LSM2: variants seen among roughly 807,000 people sequenced by gnomAD.
The protein encoded by LSM2 is U6 snRNA-associated Sm-like protein LSm2.
A neutral mutation model predicts 17.0 loss-of-function variants in LSM2; 12 were observed. The observed-to-expected ratio is 0.70, with a 90% CI of 0.45 to 1.14. The LOEUF is 1.14. LSM2 is among the 50% of genes most tolerant of loss of function. The probability of loss-of-function intolerance (pLI) is 0.00; values close to 1 mark genes in which losing one functional copy is unlikely to be tolerated. For missense variants in LSM2, 62 were observed against 111.8 expected, an observed-to-expected ratio of 0.55 and a Z score of 2.01; for synonymous variants, 42 against 44.5, an observed-to-expected ratio of 0.94 and a Z score of 0.22.
intron 2 of LSM2, among the ~76,000 whole-genome samples, chr6:31,799,092 T>C (rs1292103883): frequency 3.3e-5 from 5 of 152,178 alleles, no homozygotes; most frequent in Non-Finnish European, 7.3e-5. Context: ...TAGACCTGTA[T>C]TCTATATAGT....
intron 2 of LSM2, 65 bp downstream of exon 2, chr6:31,806,010 A>G (rs1185245795): frequency 7.0e-7 from 1 of 1,427,010 alleles, no homozygotes; most frequent in African/African-American, 1.4e-5. Flanking sequence ...TATTTCTCAA[A>G]TTAAAGAGGT....
chr6:31,797,943 C>T, intron 4 of LSM2, 47 bp downstream of exon 4: 1 of 1,611,952 alleles, frequency 6.2e-7, no homozygotes. Flanking sequence ...CACCCAGGGG[C>T]CTCCTGCTTT....
At chr6:31,804,940 G>A (rs969915142) in intron 2 of LSM2, among the ~76,000 whole-genome samples, 2 of 151,274 alleles carry the variant, frequency 1.3e-5, no homozygotes, top group Non-Finnish European at 2.9e-5. Flanking sequence ...CTAATTTTTT[G>A]TATTTTTAGC....
intron 3 of LSM2, 45 bp from the exon 4 acceptor site, chr6:31,798,094 T>TTTGAGACA (rs1264900915): frequency 2.3e-5 from 34 of 1,460,764 alleles, no homozygotes; most frequent in Non-Finnish European, 2.9e-5. Context: ...ATTTTTTTTT[T>TTTGAGACA]TTTGAGACAA....
At chr6:31,798,323 C>T (rs1040490151) in intron 3 of LSM2, among the ~76,000 whole-genome samples, 154 bp downstream of exon 3, 5 of 152,038 alleles carry the variant, frequency 3.3e-5, no homozygotes, top group African/African-American at 4.8e-5. Flanking sequence ...CCTCAGGCCT[C>T]GGCCTCTCAA....
chr6:31,806,125 G>GA lies in LSM2; in HGVS notation c.20dup (p.Lys8GlnfsTer15). The GA allele has an allele frequency of 6.2e-7, 1 of 1,612,796 alleles. No individual in the cohort carries two copies. The highest frequency in any genetic ancestry group is 8.5e-7 in the Non-Finnish European group (1 of 1,179,876). ...CCACATCCTTGCCCACAAGGGACTTGAAAAAAGAATAGAAGAGCTATTGGG... is the reference window on the plus strand; with the variant it reads ...CCACATCCTTGCCCACAAGGGACTTGAAAAAAAGAATAGAAGAGCTATTGGG... On this transcript the variant is annotated frameshift_variant, in exon 2 of 5. Coordinates refer to ENST00000375661, the MANE Select transcript of LSM2 (RefSeq NM_021177.5). LOFTEE classifies it high-confidence loss of function.
chr6:31,799,215 T>C (rs140330441), intron 2 of LSM2, among the ~76,000 whole-genome samples: 3 of 152,260 alleles, frequency 2.0e-5, no homozygotes, highest in African/African-American at 4.8e-5. Context: ...TCCAAGTCTG[T>C]GTGACTCCCA....
Position 31,806,171 on chromosome 6 carries a change from T to C in LSM2, c.4-29A>G, listed in dbSNP as rs151005403. ...TTGGGAGAGAGGGGGAAAACCATCA[T>C]GTGGGAAGGAGCATGGTAGGGAGGA... On this transcript the variant is annotated intron_variant, in intron 1 of 4. Transcript: ENST00000375661. 269 of 1,604,742 alleles carry C rather than the reference T, an allele frequency of 1.7e-4. 1 individual carries two copies. The highest frequency in any genetic ancestry group is 1.2e-3 in the African/African-American group (91 of 74,864).
intron 2 of LSM2, among the ~76,000 whole-genome samples, chr6:31,803,647 C>T: frequency 6.7e-6 from 1 of 150,272 alleles, no homozygotes; most frequent in Non-Finnish European, 1.5e-5. Context: ...GTGGCCTGAT[C>T]TCAGCTCACT....
Position 31,806,833 on chromosome 6 carries a change from C to G in LSM2, c.-76G>C, listed in dbSNP as rs987724782. ...GCGAGCAGGTCTGGGGAAACCGAAG[C>G]GCGAGCCCGCGCGTGGGGCGAGGCG... On this transcript the variant is annotated 5_prime_UTR_variant, in exon 1 of 5. Transcript: ENST00000375661. 6.6e-6 allele frequency: 10 copies of G among 1,509,904 alleles called. No homozygotes were observed. The African/African-American group carries it at 1.3e-4, about 19-fold the overall frequency. 93.5% of individuals were successfully genotyped at this position (1,509,904 alleles called of 1,614,324 possible).
chr6:31,800,686 G>A (rs550551632), intron 2 of LSM2, among the ~76,000 whole-genome samples: 4 of 152,114 alleles, frequency 2.6e-5, no homozygotes, highest in Non-Finnish European at 5.9e-5. Context: ...AGGAGATCGA[G>A]ACCATCCTGG....
intron 2 of LSM2, among the ~76,000 whole-genome samples, chr6:31,804,777 T>C (rs1488082886): frequency 2.1e-5 from 3 of 142,184 alleles, no homozygotes; most frequent in Non-Finnish European, 3.1e-5. Context: ...TTTTTTTTTT[T>C]TTTTTTTGAG....
chr6:31,798,034 G>A lies in LSM2; in HGVS notation c.118C>T (p.Leu40=), dbSNP rs1266557130. 6.2e-7 allele frequency: 1 copy of A among 1,600,594 alleles called. No homozygotes were observed. Among genetic ancestry groups the A allele is most frequent in the East Asian group, 2.2e-5 (1 of 44,718 alleles). ...GGGTCTGTGACACTGATGTCAGTTA[G>A]TTTGATGTTGAGATACTAGGAAAGG... The part of the protein sequence containing the change: ...HSVDQYLNIK[L]TDISVTDPEK... The change falls in exon 4 of 5, where the codon CTA becomes TTA. Residue 40 remains leucine, a synonymous_variant. Coordinates refer to ENST00000375661, the MANE Select transcript of LSM2 (RefSeq NM_021177.5).
intron 2 of LSM2, among the ~76,000 whole-genome samples, chr6:31,802,410 C>G (rs1814767640): frequency 6.6e-6 from 1 of 150,744 alleles, no homozygotes; most frequent in African/African-American, 2.4e-5. Context: ...TCCTGGCCAA[C>G]GTGGTGAAAC....
chr6:31,804,472 C>T (rs1273645079), intron 2 of LSM2, among the ~76,000 whole-genome samples: 1 of 152,086 alleles, frequency 6.6e-6, no homozygotes, highest in Non-Finnish European at 1.5e-5. Context: ...CCTCAGTTTC[C>T]TCGTGTAAAA....
At chr6:31,798,359 A>G in intron 3 of LSM2, 118 bp downstream of exon 3, 1 of 1,252,050 alleles carries the variant, frequency 8.0e-7, no homozygotes, top group Non-Finnish European at 1.1e-6. Context: ...GGCGTGAGCC[A>G]CCGTGCCTGG....
intron 4 of LSM2, 54 bp from the exon 5 acceptor site, chr6:31,797,936 C>G: frequency 6.2e-7 from 1 of 1,612,120 alleles, no homozygotes; most frequent in Non-Finnish European, 8.5e-7. Context: ...CTCTAACCAC[C>G]CAGGGGCCTC....
intron 2 of LSM2, among the ~76,000 whole-genome samples, chr6:31,800,856 A>G (rs1389668214): frequency 6.6e-6 from 1 of 151,636 alleles, no homozygotes; most frequent in East Asian, 1.9e-4. Context: ...ACTACACTCC[A>G]GCCTGGGTGA....
chr6:31,798,207 G>A (rs2736425), intron 3 of LSM2, among the ~76,000 whole-genome samples, 158 bp from the exon 4 acceptor site: 11,216 of 151,860 alleles, frequency 0.074, 533 homozygotes, highest in Non-Finnish European at 0.11. Flanking sequence ...TCAGCCTCTC[G>A]ACTAGCTGGG....
Sources: allele counts gnomAD v4.1 joint callset (sites outside exome capture counted in the v4.1 genomes callset), GRCh38; gene constraint gnomAD v4.1.1; transcripts MANE v1.5; gene names NCBI Gene and HGNC (gene_info 2026-07-23, HGNC 2026-07-21).